Variants in MDN1 observed in about 807,000 individuals in gnomAD.
The protein encoded by MDN1 is midasin AAA ATPase 1, also known as midasin.
MDN1 carries 266 observed loss-of-function variants against 669.2 expected under a neutral mutation model. That is an observed-to-expected ratio of 0.40 (90% confidence interval 0.36 to 0.44). The LOEUF is 0.44. Ranked by LOEUF, MDN1 falls within the 20% of genes least tolerant of loss-of-function variation. The probability of loss-of-function intolerance (pLI) is 1.00; values close to 1 mark genes in which losing one functional copy is unlikely to be tolerated. For missense variants in MDN1, 5,940 were observed against 6,754.0 expected, an observed-to-expected ratio of 0.88 and a Z score of 4.22; for synonymous variants, 2,385 against 2,457.1, an observed-to-expected ratio of 0.97 and a Z score of 0.87.
At chr6:89,697,356 C>T (rs369035834) in intron 59 of MDN1, among the ~76,000 whole-genome samples, 2 of 151,824 alleles carry the variant, frequency 1.3e-5, no homozygotes, top group African/African-American at 2.4e-5. Flanking sequence ...GTTTTGAACT[C>T]GAAGTGATGG....
chr6:89,735,891 A>G (rs890263029), intron 33 of MDN1, among the ~76,000 whole-genome samples: 37 of 152,216 alleles, frequency 2.4e-4, no homozygotes, highest in East Asian at 9.7e-4. Flanking sequence ...GTTGTGGCAC[A>G]TGCCTGTAGT....
intron 27 of MDN1, 144 bp from the exon 28 acceptor site, chr6:89,745,770 A>C: frequency 1.3e-6 from 1 of 754,018 alleles, no homozygotes; most frequent in South Asian, 2.0e-5. Flanking sequence ...AGCCTATTAC[A>C]ATTAACCATA....
intron 40 of MDN1, among the ~76,000 whole-genome samples, chr6:89,721,569 C>A (rs1584265033): frequency 6.6e-6 from 1 of 152,100 alleles, no homozygotes; most frequent in South Asian, 2.1e-4. Context: ...GACCTGTTAT[C>A]CTAAACTAGG....
chr6:89,727,821 C>T lies in MDN1; in HGVS notation c.5472+12G>A. Reference sequence around the variant, plus strand: ...TGATCACCGTCTTGGGCATGACAAACAGGCCCCTCACCTCATCCAACACCA... The same window carrying T: ...TGATCACCGTCTTGGGCATGACAAATAGGCCCCTCACCTCATCCAACACCA... On this transcript the variant is annotated intron_variant, in intron 37 of 101. Coordinates refer to ENST00000369393, the MANE Select transcript of MDN1 (RefSeq NM_014611.3). 6 of 1,608,356 alleles carry T rather than the reference C, an allele frequency of 3.7e-6. No individual in the cohort carries two copies. The highest frequency in any genetic ancestry group is 5.1e-6 in the Non-Finnish European group (6 of 1,176,800).
Position 89,650,720 on chromosome 6 carries a change from G to A in MDN1, c.16031+12C>T. On this transcript the variant is annotated intron_variant, in intron 96 of 101. Transcript: ENST00000369393. ...CAGGGCACTGTGAGGCCTTCCAGAGGGGAAGACTTACTTCAGCTTGGCTGC... is the reference window on the plus strand; with the variant it reads ...CAGGGCACTGTGAGGCCTTCCAGAGAGGAAGACTTACTTCAGCTTGGCTGC... 1 of 1,605,110 alleles carries A rather than the reference G, an allele frequency of 6.2e-7. No homozygotes were observed. The highest frequency in any genetic ancestry group is 8.5e-7 in the Non-Finnish European group (1 of 1,172,208).
At position 89,714,758 on chromosome 6, in the gene MDN1, A is replaced by C. The variant is rs1329570556; in HGVS notation, c.6861-7T>G. 1 of 1,603,964 alleles carries C rather than the reference A, an allele frequency of 6.2e-7. No homozygotes were observed. The highest frequency in any genetic ancestry group is 1.3e-5 in the African/African-American group (1 of 74,140). On this transcript the variant is annotated splice_region_variant and splice_polypyrimidine_tract_variant and intron_variant, in intron 45 of 101. Transcript: ENST00000369393. ...ATCCATCGAGAGGAAAAGTCTAGAA[A>C]AATAGCAATTCAAAGAAAAAAATGA... is the stretch of plus-strand genomic sequence containing the variant.
intron 1 of MDN1, among the ~76,000 whole-genome samples, chr6:89,805,809 T>C (rs1459360753): frequency 6.6e-6 from 1 of 152,198 alleles, no homozygotes; most frequent in Non-Finnish European, 1.5e-5. Flanking sequence ...CTGTCCTTTA[T>C]AGGAGGTTAA....
At chr6:89,669,619 G>C (rs1810493480) in intron 83 of MDN1, among the ~76,000 whole-genome samples, 1 of 152,062 alleles carries the variant, frequency 6.6e-6, no homozygotes, top group Admixed American at 6.6e-5. Flanking sequence ...GAAAATCTTA[G>C]AATGCTAAGA....
intron 19 of MDN1, among the ~76,000 whole-genome samples, chr6:89,757,345 A>G (rs1359848679): frequency 2.0e-5 from 3 of 152,226 alleles, no homozygotes. Context: ...TGTTCCTAAA[A>G]TATGCGTATA....
chr6:89,670,877 G>C, intron 83 of MDN1, 42 bp downstream of exon 83: 1 of 1,571,954 alleles, frequency 6.4e-7, no homozygotes, highest in Non-Finnish European at 8.7e-7. Context: ...AAATTTACTT[G>C]GGTCCCTGCT....
intron 31 of MDN1, among the ~76,000 whole-genome samples, chr6:89,742,537 A>G (rs1816347192): frequency 6.6e-6 from 1 of 152,218 alleles, no homozygotes; most frequent in Non-Finnish European, 1.5e-5. Flanking sequence ...CCACTAACTC[A>G]GTGACTCAGT....
intron 68 of MDN1, 106 bp from the exon 69 acceptor site, chr6:89,687,129 G>A: frequency 1.3e-6 from 2 of 1,501,654 alleles, no homozygotes; most frequent in South Asian, 2.5e-5. Flanking sequence ...CCCAAATGGA[G>A]ATGGAGGAGC....
At chr6:89,768,783 C>T (rs895441161) in intron 15 of MDN1, among the ~76,000 whole-genome samples, 9 of 152,062 alleles carry the variant, frequency 5.9e-5, no homozygotes, top group Non-Finnish European at 1.0e-4. Context: ...AAATCCAAGA[C>T]CAGCTACAGT....
rs142328599 is a variant in MDN1 at position 89,695,912 on chromosome 6, C to T, written c.9464G>A (p.Arg3155Gln). ...CTCACAGTTCTGCATGTACTCCTGC[C>T]GCCGGGACTCTGGGAGCAGCTCTGC... Reference protein sequence around the residue: ...GLAELLPESRRQEYMQNCEQL... With the variant: ...GLAELLPESRQQEYMQNCEQL... Residue 3155 changes from arginine to glutamine, a missense_variant, in exon 61 of 102, where the codon CGG becomes CAG. Arg to Gln is a conservative substitution (Grantham distance 43). Transcript: ENST00000369393. The surrounding 1 kb of genome is among the most constrained non-coding windows in gnomAD (Gnocchi z 4.1). 2.6e-4 allele frequency: 425 copies of T among 1,612,920 alleles called. No homozygotes were observed. The highest frequency in any genetic ancestry group is 3.5e-4 in the Middle Eastern group (2 of 5,758).
At chr6:89,743,462 G>A in intron 30 of MDN1, 114 bp downstream of exon 30, 3 of 1,363,978 alleles carry the variant, frequency 2.2e-6, no homozygotes, top group Non-Finnish European at 3.0e-6. Context: ...GAGAAAATCT[G>A]CAGATATGCA....
In MDN1 at chr6:89,699,659, T is replaced by C. The variant is rs764148871; in HGVS notation, c.8939A>G (p.His2980Arg). 2.3e-5 allele frequency: 37 copies of C among 1,613,946 alleles called. 1 individual carries two copies. The highest frequency in any genetic ancestry group is 1.6e-4 in the Middle Eastern group (1 of 6,084). The change falls in exon 58 of 102, where the codon CAC (histidine) becomes CGC (arginine). Residue 2980 changes from histidine to arginine, a missense_variant. Coordinates refer to ENST00000369393, the MANE Select transcript of MDN1 (RefSeq NM_014611.3). ...AAGCTCTTGAGGTGTAACAGGTGTG[T>C]GATAAAGACAAAATGAGATGAGGTG... ...ISHLISFCLY[H>R]TPVTPQELRD... is the part of the protein sequence containing the mutation.
chr6:89,755,379 CAAAA>C (rs143855867), intron 20 of MDN1, among the ~76,000 whole-genome samples: 5 of 121,216 alleles, frequency 4.1e-5, no homozygotes, highest in Admixed American at 8.7e-5. Context: ...CTCCTGTATC[CAAAA>C]AAAAAAAAAA....
intron 36 of MDN1, among the ~76,000 whole-genome samples, chr6:89,728,676 C>T (rs1815386567): frequency 6.6e-6 from 1 of 151,994 alleles, no homozygotes; most frequent in Non-Finnish European, 1.5e-5. Flanking sequence ...AATAATAATA[C>T]AAAAATTAGC....
At chr6:89,651,555 G>T (rs751593159) in intron 95 of MDN1, among the ~76,000 whole-genome samples, 1 of 152,094 alleles carries the variant, frequency 6.6e-6, no homozygotes, top group Non-Finnish European at 1.5e-5. Context: ...GGCAGAGCTT[G>T]CAGTGAGCCG....
Sources: allele counts gnomAD v4.1 joint callset (sites outside exome capture counted in the v4.1 genomes callset), GRCh38; gene constraint gnomAD v4.1.1; non-coding constraint Gnocchi (gnomAD v3.1); transcripts MANE v1.5; gene names NCBI Gene and HGNC (gene_info 2026-07-23, HGNC 2026-07-21).